The following ADARB2 variants were observed in gnomAD, a reference collection of about 807,000 sequenced individuals.
ADARB2 encodes adenosine deaminase RNA specific B2 (inactive).
In ADARB2, 25 loss-of-function variants were observed where a neutral mutation model predicts 62.2. The ratio of observed to expected loss-of-function variants is 0.40; its 90% CI spans 0.29 to 0.56. The LOEUF is 0.56. Ranked by LOEUF, ADARB2 falls within the 20% of genes least tolerant of loss-of-function variation. The pLI, the probability that ADARB2 is intolerant of heterozygous loss-of-function variation, is 0.43. For synonymous variants in ADARB2, 572 were observed against 500.8 expected (o/e 1.14, Z -1.90); for missense variants, 1,071 against 1,077.4 (o/e 0.99, Z 0.08).
chr10:1,315,777 G>A (rs1831733803), intron 3 of ADARB2, among the ~76,000 whole-genome samples: 1 of 152,148 alleles, frequency 6.6e-6, no homozygotes, highest in South Asian at 2.1e-4. Flanking sequence ...ACGTTCCAAT[G>A]ATTTTTTATT....
At chr10:1,577,542 C>T (rs1878416) in intron 1 of ADARB2, among the ~76,000 whole-genome samples, 3,299 of 152,334 alleles carry the variant, frequency 0.022, 110 homozygotes, top group African/African-American at 0.069. Flanking sequence ...CTAGCACTGA[C>T]GTCATTGAGA....
intron 1 of ADARB2, among the ~76,000 whole-genome samples, chr10:1,606,409 GC>G (rs1386332435): frequency 6.6e-6 from 1 of 152,192 alleles, no homozygotes; most frequent in African/African-American, 2.4e-5. Flanking sequence ...CTCTACGCAA[GC>G]AGGTGAGAGC....
rs1588233141 is a variant in ADARB2 at position 1,363,860 on chromosome 10, G to C, written c.245C>G (p.Pro82Arg). Reference protein sequence around the residue: ...NRNVGNLAARPPPSGDRARGG... With the variant: ...NRNVGNLAARRPPSGDRARGG... Reference sequence around the variant, plus strand: ...CCGGGCCCGGTCCCCGGAGGGCGGTGGCCGCGCGGCCAGGTTGCCCACGTT... The same window carrying C: ...CCGGGCCCGGTCCCCGGAGGGCGGTCGCCGCGCGGCCAGGTTGCCCACGTT... The change falls in exon 3 of 10, where the codon CCA becomes CGA. Residue 82 changes from proline to arginine, a missense_variant. Coordinates refer to ENST00000381312, the MANE Select transcript of ADARB2 (RefSeq NM_018702.4). The C allele has an allele frequency of 3.3e-6, 5 of 1,509,872 alleles. No individual in the cohort carries two copies. In the East Asian group the frequency reaches 9.8e-5, roughly 30 times the overall value. The allele number at this position is 1,509,872 out of a possible 1,614,324, so 93.5% of individuals were successfully genotyped here.
Position 1,377,780 on chromosome 10 carries a change from G to T in ADARB2, c.187+1294C>A, listed in dbSNP as rs372021080. Among the ~76,000 whole-genome samples the T allele has an allele frequency of 1.8e-4, 28 of 152,238 alleles. 2 individuals carry two copies. In the South Asian group the frequency reaches 5.6e-3, roughly 30 times the overall value. On this transcript the variant is annotated intron_variant, in intron 2 of 9. Transcript: ENST00000381312. ...TAACCCCCTCCTTCCACGTCTAGAA[G>T]AGAAGGGGTCCAAAAGAGGGCATTG...
chr10:1,420,979 T>C lies in ADARB2; in HGVS notation c.101-41819A>G, dbSNP rs1386099594. 2.0e-5 allele frequency among the ~76,000 whole-genome samples: 3 copies of C among 151,762 alleles called. No homozygotes were observed. In the East Asian group the frequency reaches 5.8e-4, roughly 29 times the overall value. Reference sequence around the variant, plus strand: ...GCGCCGCTCGGTTCTCCTTCCTCTCTCTGCTCTCACAGGGTGGTGTTACAC... The same window carrying C: ...GCGCCGCTCGGTTCTCCTTCCTCTCCCTGCTCTCACAGGGTGGTGTTACAC... On this transcript the variant is annotated intron_variant, in intron 1 of 9. Coordinates refer to ENST00000381312, the MANE Select transcript of ADARB2 (RefSeq NM_018702.4).
intron 1 of ADARB2, among the ~76,000 whole-genome samples, chr10:1,691,041 C>A (rs1834666104): frequency 6.6e-6 from 1 of 152,180 alleles, no homozygotes; most frequent in Admixed American, 6.5e-5. Flanking sequence ...GGTGTCCCCC[C>A]AAATTCCCAT....
intron 1 of ADARB2, among the ~76,000 whole-genome samples, chr10:1,454,090 C>G (rs1477506614): frequency 6.6e-6 from 1 of 152,182 alleles, no homozygotes; most frequent in East Asian, 1.9e-4. Flanking sequence ...TGGGAGGCCT[C>G]ACAGTCATGG....
At chr10:1,223,336 T>A (rs550917291) in intron 6 of ADARB2, among the ~76,000 whole-genome samples, 2 of 152,244 alleles carry the variant, frequency 1.3e-5, no homozygotes, top group African/African-American at 4.8e-5. Context: ...TGGGGTTTTC[T>A]AGATATACAG....
chr10:1,557,544 C>A (rs1238452609), intron 1 of ADARB2, among the ~76,000 whole-genome samples: 1 of 152,180 alleles, frequency 6.6e-6, no homozygotes, highest in African/African-American at 2.4e-5. Context: ...CCAGGCTCAA[C>A]AAAGCCTCCA....
At chr10:1,571,315 C>A (rs962452926) in intron 1 of ADARB2, among the ~76,000 whole-genome samples, 10 of 151,024 alleles carry the variant, frequency 6.6e-5, no homozygotes, top group Admixed American at 2.6e-4. Context: ...GCCTGTATGA[C>A]AGGTTTTGTT....
At chr10:1,232,369 TGTG>T (rs1353842668) in intron 6 of ADARB2, among the ~76,000 whole-genome samples, 1 of 152,004 alleles carries the variant, frequency 6.6e-6, no homozygotes, top group Non-Finnish European at 1.5e-5. Context: ...GTGGTCTGTG[TGTG>T]GTGTGTGTGG....
At chr10:1,629,115 G>A (rs1833810863) in intron 1 of ADARB2, among the ~76,000 whole-genome samples, 1 of 152,216 alleles carries the variant, frequency 6.6e-6, no homozygotes, top group South Asian at 2.1e-4. Flanking sequence ...GCAACACAGA[G>A]TCCACGAGTA....
chr10:1,395,580 G>A (rs947366949), intron 1 of ADARB2, among the ~76,000 whole-genome samples: 2 of 152,234 alleles, frequency 1.3e-5, no homozygotes, highest in African/African-American at 4.8e-5. Context: ...GAGGGCCCAG[G>A]CTGCCTCCTC....
chr10:1,332,915 C>A (rs1412831073), intron 3 of ADARB2, among the ~76,000 whole-genome samples: 1 of 152,178 alleles, frequency 6.6e-6, no homozygotes, highest in Non-Finnish European at 1.5e-5. Flanking sequence ...TTTGAGTTGT[C>A]CATTTTTCCC....
intron 3 of ADARB2, among the ~76,000 whole-genome samples, chr10:1,297,668 C>T (rs1435295222): frequency 6.6e-6 from 1 of 152,226 alleles, no homozygotes; most frequent in East Asian, 1.9e-4. Flanking sequence ...ATGACAGATG[C>T]CCCTGCATGC....
intron 6 of ADARB2, among the ~76,000 whole-genome samples, chr10:1,230,800 C>T (rs1311581386): frequency 1.3e-5 from 2 of 152,162 alleles, no homozygotes; most frequent in African/African-American, 2.4e-5. Flanking sequence ...GGAGTGGCAC[C>T]AGCCCAATGC....
At chr10:1,732,143 T>G (rs996450458) in intron 1 of ADARB2, among the ~76,000 whole-genome samples, 2 of 152,066 alleles carry the variant, frequency 1.3e-5, no homozygotes, top group Non-Finnish European at 2.9e-5. Flanking sequence ...GTATAAAAAT[T>G]GCTCAAATGT....
chr10:1,183,163 G>T lies in ADARB2; in HGVS notation c.*30C>A. 2 of 1,607,424 alleles carry T rather than the reference G, an allele frequency of 1.2e-6. No homozygotes were observed. The highest frequency in any genetic ancestry group is 1.3e-5 in the African/African-American group (1 of 74,918). ...CACGGTCCCATCCCTCCAGCGTCCCGCTCAGCTCCAGCAGCCAGGAGCCCG... is the reference window on the plus strand; with the variant it reads ...CACGGTCCCATCCCTCCAGCGTCCCTCTCAGCTCCAGCAGCCAGGAGCCCG... On this transcript the variant is annotated 3_prime_UTR_variant, in exon 10 of 10. Transcript: ENST00000381312.
chr10:1,425,616 TAGA>T (rs900230939), intron 1 of ADARB2, among the ~76,000 whole-genome samples: 5 of 152,242 alleles, frequency 3.3e-5, no homozygotes, highest in African/African-American at 7.2e-5. Flanking sequence ...TTAGATCTTG[TAGA>T]AGATGGTTGG....
Sources: allele counts gnomAD v4.1 joint callset (sites outside exome capture counted in the v4.1 genomes callset), GRCh38; gene constraint gnomAD v4.1.1; transcripts MANE v1.5; gene names NCBI Gene and HGNC (gene_info 2026-07-23, HGNC 2026-07-21).